The following ZNF385B variants were observed in gnomAD, a reference collection of about 807,000 sequenced individuals.
ZNF385B encodes the protein zinc finger protein 385B.
ZNF385B carries 23 observed loss-of-function variants against 39.2 expected under a neutral mutation model. That is an observed-to-expected ratio of 0.59 (90% CI 0.42 to 0.83). ZNF385B has a LOEUF of 0.83. Ranked by LOEUF, ZNF385B falls within the 40% of genes least tolerant of loss-of-function variation. The pLI, the probability that ZNF385B is intolerant of heterozygous loss-of-function variation, is 0.00. For synonymous variants in ZNF385B, 205 were observed against 222.6 expected, an observed-to-expected ratio of 0.92 and a Z score of 0.70; for missense variants, 552 against 598.9, an observed-to-expected ratio of 0.92 and a Z score of 0.82.
chr2:179,623,039 A>C (rs1417590906), intron 3 of ZNF385B, among the ~76,000 whole-genome samples: 2 of 152,210 alleles, frequency 1.3e-5, no homozygotes, highest in African/African-American at 2.4e-5. Context: ...TTTAATGTCA[A>C]AACTGAAAAT....
intron 3 of ZNF385B, among the ~76,000 whole-genome samples, chr2:179,686,332 G>A (rs776306811): frequency 6.6e-6 from 1 of 152,136 alleles, no homozygotes; most frequent in Non-Finnish European, 1.5e-5. Flanking sequence ...CATATTGTGA[G>A]CTTCTGGAGC....
At chr2:179,628,529 T>G (rs1375039739) in intron 3 of ZNF385B, among the ~76,000 whole-genome samples, 1 of 152,230 alleles carries the variant, frequency 6.6e-6, no homozygotes, top group African/African-American at 2.4e-5. Flanking sequence ...TTTTGGCAAG[T>G]ATATTTCATG....
At chr2:179,641,667 T>A (rs1238606888) in intron 3 of ZNF385B, among the ~76,000 whole-genome samples, 1 of 149,888 alleles carries the variant, frequency 6.7e-6, no homozygotes, top group South Asian at 2.1e-4. Flanking sequence ...CTACTTATGA[T>A]ACTTTTAATT....
chr2:179,815,122 A>T (rs1160846144), intron 1 of ZNF385B, among the ~76,000 whole-genome samples: 1 of 152,178 alleles, frequency 6.6e-6, no homozygotes, highest in Non-Finnish European at 1.5e-5. Context: ...TGAGCAAACA[A>T]ATCGATGAGC....
intron 3 of ZNF385B, among the ~76,000 whole-genome samples, chr2:179,580,590 C>CTTA (rs1256023356): frequency 2.0e-5 from 3 of 152,116 alleles, no homozygotes; most frequent in African/African-American, 7.2e-5. Context: ...GGGCCCTAAT[C>CTTA]TAATAGGGCT....
chr2:179,448,801 T>C (rs2049780710), intron 6 of ZNF385B, among the ~76,000 whole-genome samples: 1 of 152,106 alleles, frequency 6.6e-6, no homozygotes, highest in Admixed American at 6.6e-5. Flanking sequence ...ACTTAATATA[T>C]CACTAGTGAT....
intron 3 of ZNF385B, among the ~76,000 whole-genome samples, chr2:179,580,405 C>T (rs777746666): frequency 6.6e-6 from 1 of 152,070 alleles, no homozygotes; most frequent in African/African-American, 2.4e-5. Flanking sequence ...AACACTCACT[C>T]TTTGTGGGTA....
chr2:179,795,610 C>T (rs2615366), intron 1 of ZNF385B, among the ~76,000 whole-genome samples: 85,670 of 151,834 alleles, frequency 0.56, 24,238 homozygotes, highest in East Asian at 0.61. Flanking sequence ...GAAAGAAATC[C>T]CAGTTTTCAT....
intron 3 of ZNF385B, among the ~76,000 whole-genome samples, chr2:179,742,322 G>A (rs1702132647): frequency 2.0e-5 from 3 of 151,930 alleles, no homozygotes; most frequent in Admixed American, 2.0e-4. Context: ...TTTGGCACTG[G>A]TAAAACCAAT....
chr2:179,455,879 C>CAAAAAAAA (rs58336646), intron 6 of ZNF385B, among the ~76,000 whole-genome samples: 1 of 123,894 alleles, frequency 8.1e-6, no homozygotes, highest in South Asian at 2.8e-4. Flanking sequence ...GACTGCATCT[C>CAAAAAAAA]AAAAAAAAAA....
chr2:179,811,773 C>CCACA lies in ZNF385B; in HGVS notation c.-154-41105_-154-41102dup, dbSNP rs571869348. Among the ~76,000 whole-genome samples, 518 of 152,030 alleles carry CCACA rather than the reference C, an allele frequency of 3.4e-3. 1 individual carries two copies. Among genetic ancestry groups the CCACA allele is most frequent in the Middle Eastern group, 0.014 (4 of 294 alleles). ...ATGACTAAAACCTCAAAAGCAACTG[C>CCACA]CACACACACAAAAAAAAATTGACGA... is the stretch of plus-strand genomic sequence containing the variant. On this transcript the variant is annotated intron_variant, in intron 1 of 9. Transcript: ENST00000410066.
At chr2:179,500,469 C>A (rs897041252) in intron 5 of ZNF385B, among the ~76,000 whole-genome samples, 11 of 152,060 alleles carry the variant, frequency 7.2e-5, no homozygotes, top group Admixed American at 6.6e-4. Flanking sequence ...TCATTTTTAA[C>A]AAAGGTGCCA....
chr2:179,446,356 T>C (rs1478850326), intron 7 of ZNF385B, among the ~76,000 whole-genome samples, 169 bp downstream of exon 7: 1 of 152,244 alleles, frequency 6.6e-6, no homozygotes, highest in Non-Finnish European at 1.5e-5. Flanking sequence ...TTTGTCTTGC[T>C]AGTTCCAAAG....
chr2:179,679,640 A>G (rs555031290), intron 3 of ZNF385B, among the ~76,000 whole-genome samples: 303 of 146,062 alleles, frequency 2.1e-3, no homozygotes, highest in Middle Eastern at 3.4e-3. Flanking sequence ...TGTTGTTGTT[A>G]TTATAGCAAA....
chr2:179,524,394 T>TA (rs1028146730), intron 4 of ZNF385B, among the ~76,000 whole-genome samples: 5 of 149,796 alleles, frequency 3.3e-5, no homozygotes, highest in African/African-American at 7.4e-5. Flanking sequence ...CTACTAAAAA[T>TA]AAAAAAAATT....
chr2:179,844,371 C>G (rs1024031371), intron 1 of ZNF385B, among the ~76,000 whole-genome samples: 3 of 152,326 alleles, frequency 2.0e-5, no homozygotes, highest in South Asian at 2.1e-4. Context: ...CATATCCTGT[C>G]AGTCACTATA....
At chr2:179,856,695 T>C (rs995637646) in intron 1 of ZNF385B, among the ~76,000 whole-genome samples, 5 of 142,506 alleles carry the variant, frequency 3.5e-5, no homozygotes, top group African/African-American at 5.2e-5. Flanking sequence ...CTGCAAATAA[T>C]AGGGAAATGA....
intron 3 of ZNF385B, among the ~76,000 whole-genome samples, chr2:179,602,010 T>A (rs1688447648): frequency 6.6e-6 from 1 of 152,168 alleles, no homozygotes; most frequent in African/African-American, 2.4e-5. Context: ...ACAATTCTCA[T>A]CACATTGATG....
At chr2:179,679,942 C>T (rs1033484701) in intron 3 of ZNF385B, among the ~76,000 whole-genome samples, 10 of 152,154 alleles carry the variant, frequency 6.6e-5, no homozygotes, top group African/African-American at 2.2e-4. Context: ...AGTGACTGTA[C>T]GTTAGTTTTG....
Sources: gnomAD v4.1 joint callset for allele counts (sites outside exome capture counted in the v4.1 genomes callset) on GRCh38, gnomAD v4.1.1 for gene constraint, MANE v1.5 for transcripts, NCBI Gene and HGNC (gene_info 2026-07-23, HGNC 2026-07-21) for gene names.